AUTS2: variants seen among roughly 807,000 people sequenced by gnomAD.
The protein encoded by AUTS2 is autism susceptibility gene 2 protein.
A neutral mutation model predicts 112.4 loss-of-function variants in AUTS2; 17 were observed. The ratio of observed to expected loss-of-function variants is 0.15; its 90% CI spans 0.10 to 0.23. The LOEUF (loss-of-function observed/expected upper bound fraction) is 0.23, where lower values mean the gene tolerates loss of function less well. Ranked by LOEUF, AUTS2 falls within the 10% of genes least tolerant of loss-of-function variation. The pLI is 1.00. For synonymous variants in AUTS2, 751 were observed against 702.7 expected (o/e 1.07, Z -1.09); for missense variants, 1,510 against 1,701.6 (o/e 0.89, Z 1.98).
chr7:69,718,535 T>C (rs2129211415), intron 1 of AUTS2, among the ~76,000 whole-genome samples: 1 of 152,292 alleles, frequency 6.6e-6, no homozygotes, highest in East Asian at 1.9e-4. Context: ...CATCTCTTTG[T>C]TTCTCTTTTC....
intron 2 of AUTS2, among the ~76,000 whole-genome samples, chr7:70,088,846 C>G (rs762244509): frequency 6.6e-6 from 1 of 151,994 alleles, no homozygotes; most frequent in East Asian, 1.9e-4. Flanking sequence ...CGCGCCTGTC[C>G]GAGACCCATC....
chr7:70,486,293 G>T (rs967678688), intron 5 of AUTS2, among the ~76,000 whole-genome samples: 1 of 152,154 alleles, frequency 6.6e-6, no homozygotes, highest in Non-Finnish European at 1.5e-5. Flanking sequence ...GTACCCTTGG[G>T]GAAGTTATCA....
At chr7:69,815,858 A>G (rs1790738341) in intron 1 of AUTS2, among the ~76,000 whole-genome samples, 3 of 152,184 alleles carry the variant, frequency 2.0e-5, no homozygotes, top group South Asian at 2.1e-4. Context: ...AGCTGCGCAT[A>G]TGTTCTACCT....
intron 4 of AUTS2, among the ~76,000 whole-genome samples, chr7:70,155,907 A>C (rs1036780386): frequency 1.3e-5 from 2 of 152,212 alleles, no homozygotes; most frequent in South Asian, 4.1e-4. Flanking sequence ...GAATCTCACT[A>C]TCTGGCAGGC....
chr7:70,364,446 G>A (rs572740959), intron 4 of AUTS2, among the ~76,000 whole-genome samples: 3 of 151,824 alleles, frequency 2.0e-5, no homozygotes, highest in Non-Finnish European at 4.4e-5. Context: ...CGTGCCTGTA[G>A]TCCCAGCTAC....
intron 4 of AUTS2, among the ~76,000 whole-genome samples, chr7:70,378,131 C>A (rs1026381666): frequency 1.3e-5 from 2 of 152,110 alleles, no homozygotes; most frequent in African/African-American, 4.8e-5. Flanking sequence ...AATTGCCTTC[C>A]TTTTTAAGGC....
chr7:70,488,841 T>C (rs1416899952), intron 5 of AUTS2, among the ~76,000 whole-genome samples: 1 of 152,128 alleles, frequency 6.6e-6, no homozygotes, highest in Non-Finnish European at 1.5e-5. Context: ...TTAGAACCCT[T>C]TCCCAAGGTG....
At chr7:70,109,583 A>G (rs184497907) in intron 2 of AUTS2, among the ~76,000 whole-genome samples, 6 of 152,320 alleles carry the variant, frequency 3.9e-5, no homozygotes, top group Admixed American at 3.9e-4. Context: ...TTTATTATCT[A>G]AAGATCTGGA....
intron 1 of AUTS2, among the ~76,000 whole-genome samples, chr7:69,719,330 CTG>C (rs1376757969): frequency 1.3e-5 from 2 of 152,160 alleles, no homozygotes; most frequent in African/African-American, 2.4e-5. Flanking sequence ...TCACATAAAA[CTG>C]TCTTGAGACT....
At chr7:70,128,844 C>A (rs1806115876) in intron 3 of AUTS2, among the ~76,000 whole-genome samples, 1 of 152,220 alleles carries the variant, frequency 6.6e-6, no homozygotes, top group East Asian at 1.9e-4. Flanking sequence ...GGGAAGAATC[C>A]TTTTTTTCTC....
chr7:69,689,124 T>A (rs1797188750), intron 1 of AUTS2, among the ~76,000 whole-genome samples: 2 of 152,018 alleles, frequency 1.3e-5, no homozygotes, highest in African/African-American at 4.8e-5. Context: ...CCTGGGCAAA[T>A]CATTCAGCTA....
intron 4 of AUTS2, among the ~76,000 whole-genome samples, chr7:70,277,166 G>C (rs1787968676): frequency 6.6e-6 from 1 of 152,182 alleles, no homozygotes; most frequent in African/African-American, 2.4e-5. Flanking sequence ...TCTGTCCAGT[G>C]GACAACTGGA....
chr7:70,613,263 G>C (rs573011255), intron 5 of AUTS2, among the ~76,000 whole-genome samples: 1 of 151,818 alleles, frequency 6.6e-6, no homozygotes. Flanking sequence ...GTGTGTGTGT[G>C]TGTGTATTTT....
chr7:70,560,045 T>C (rs1005677840), intron 5 of AUTS2, among the ~76,000 whole-genome samples: 2 of 152,224 alleles, frequency 1.3e-5, no homozygotes, highest in Non-Finnish European at 2.9e-5. Flanking sequence ...CGCTGGCCTT[T>C]GGTCTGGCCT....
chr7:70,243,642 G>A (rs1335116766), intron 4 of AUTS2, among the ~76,000 whole-genome samples: 1 of 151,164 alleles, frequency 6.6e-6, no homozygotes, highest in Non-Finnish European at 1.5e-5. Flanking sequence ...CCAACTCTGC[G>A]ATAATGTGTC....
intron 4 of AUTS2, among the ~76,000 whole-genome samples, chr7:70,379,485 G>C (rs1201905656): frequency 6.6e-6 from 1 of 150,556 alleles, no homozygotes; most frequent in African/African-American, 2.5e-5. Context: ...CTGGGTGACA[G>C]AGCGAGCATC....
At chr7:70,041,998 A>G (rs181368588) in intron 2 of AUTS2, among the ~76,000 whole-genome samples, 26 of 152,322 alleles carry the variant, frequency 1.7e-4, no homozygotes, top group African/African-American at 5.8e-4. Context: ...TCTGTTAGAA[A>G]TGGCTTATTA....
At chr7:70,097,140 T>C (rs1804247937) in intron 2 of AUTS2, among the ~76,000 whole-genome samples, 1 of 152,242 alleles carries the variant, frequency 6.6e-6, no homozygotes. Context: ...AGAACAGTCA[T>C]TATTTAAATG....
intron 1 of AUTS2, among the ~76,000 whole-genome samples, chr7:69,653,578 G>T (rs1214685263): frequency 6.6e-6 from 1 of 151,592 alleles, no homozygotes; most frequent in East Asian, 1.9e-4. Context: ...TTCTCTAAGT[G>T]TACTAAGAAT....
Sources: allele counts gnomAD v4.1 joint callset (sites outside exome capture counted in the v4.1 genomes callset), GRCh38; gene constraint gnomAD v4.1.1; transcripts MANE v1.5; gene names NCBI Gene and HGNC (gene_info 2026-07-23, HGNC 2026-07-21).